PCDHGB2: variants seen among roughly 807,000 people sequenced by gnomAD.
PCDHGB2 encodes the protein protocadherin gamma-B2.
In PCDHGB2, 55 loss-of-function variants were observed where a neutral mutation model predicts 59.3. The ratio of observed to expected loss-of-function variants is 0.93; its 90% confidence interval spans 0.75 to 1.16. The LOEUF is 1.16. Among genes scored for constraint, PCDHGB2 ranks in the 50% most tolerant of loss-of-function variants. PCDHGB2 has a pLI of 0.00. For synonymous variants in PCDHGB2, 516 were observed against 512.0 expected, an observed-to-expected ratio of 1.01 and a Z score of -0.11; for missense variants, 1,228 against 1,198.5, an observed-to-expected ratio of 1.02 and a Z score of -0.36.
chr5:141,409,220 G>A (rs1327857530), intron 1 of PCDHGB2: 1 of 1,613,988 alleles, frequency 6.2e-7, no homozygotes, highest in Non-Finnish European at 8.5e-7. Context: ...AATCCTTGAT[G>A]AAAACGACAA....
intron 3 of PCDHGB2, among the ~76,000 whole-genome samples, chr5:141,507,645 G>A (rs565235954): frequency 6.6e-6 from 1 of 152,382 alleles, no homozygotes; most frequent in South Asian, 2.1e-4. Flanking sequence ...CTGAGGCCAG[G>A]AAGCAGCTTT....
chr5:141,464,973 TTC>T (rs2154568681), intron 1 of PCDHGB2, among the ~76,000 whole-genome samples: 1 of 152,092 alleles, frequency 6.6e-6, no homozygotes, highest in East Asian at 1.9e-4. Flanking sequence ...AACTACTGGC[TTC>T]AAGTGATCCT....
rs765969768 is a variant in PCDHGB2, at chr5:141,421,456, G to A, written c.2421+58900G>A. ...CTCCAGAGGGAAGACACAGCTTTTC[G>A]CTGTGAATCCGCGAAGCGGCAGCTT... is the stretch of plus-strand genomic sequence containing the variant. On this transcript the variant is annotated intron_variant, in intron 1 of 3. Transcript: ENST00000522605. 9.3e-6 allele frequency: 15 copies of A among 1,614,132 alleles called. No homozygotes were observed. Among genetic ancestry groups the A allele is most frequent in the Non-Finnish European group, 1.1e-5 (13 of 1,179,948 alleles).
intron 1 of PCDHGB2, chr5:141,433,023 A>C: frequency 6.2e-7 from 1 of 1,614,084 alleles, no homozygotes; most frequent in East Asian, 2.2e-5. Context: ...ACCTATTCCC[A>C]CGAGGTTTCC....
intron 1 of PCDHGB2, chr5:141,409,865 C>A: frequency 6.2e-7 from 1 of 1,612,574 alleles, no homozygotes; most frequent in Non-Finnish European, 8.5e-7. Flanking sequence ...GGTGGGAGAC[C>A]GCAATGACAA....
At chr5:141,377,416 G>A (rs1455830122) in intron 1 of PCDHGB2, 5 of 151,976 alleles carry the variant, frequency 3.3e-5, no homozygotes, top group Non-Finnish European at 5.9e-5. Context: ...GACCAGCCTG[G>A]GTGACTCTGT....
chr5:141,461,988 T>A (rs771762127), intron 1 of PCDHGB2, among the ~76,000 whole-genome samples: 1 of 152,170 alleles, frequency 6.6e-6, no homozygotes, highest in Non-Finnish European at 1.5e-5. Flanking sequence ...CACGCCAGGC[T>A]AATTTTGTAT....
intron 1 of PCDHGB2, among the ~76,000 whole-genome samples, chr5:141,484,281 C>T (rs969039536): frequency 6.6e-6 from 1 of 152,202 alleles, no homozygotes; most frequent in Admixed American, 6.5e-5. Context: ...TGTTTTGAAA[C>T]ATCTCCCTCT....
intron 2 of PCDHGB2, among the ~76,000 whole-genome samples, chr5:141,498,004 G>C (rs1385457484): frequency 6.6e-6 from 1 of 152,316 alleles, no homozygotes; most frequent in African/African-American, 2.4e-5. Flanking sequence ...GGAGTTTACA[G>C]TGCACTGAAG....
At chr5:141,375,596 G>C (rs574950493) in intron 1 of PCDHGB2, 86 of 1,614,108 alleles carry the variant, frequency 5.3e-5, no homozygotes, top group Non-Finnish European at 6.9e-5. Context: ...GTCCTCCTAC[G>C]TGTCCATCAA....
chr5:141,419,214 T>C lies in PCDHGB2; in HGVS notation c.2421+56658T>C. On this transcript the variant is annotated intron_variant, in intron 1 of 3. Coordinates refer to ENST00000522605, the MANE Select transcript of PCDHGB2 (RefSeq NM_018923.3). ...GACGTCAATGACAACGCGCCGGTTT[T>C]CGGACAGTCAGCCTACCTGGTCCAC... 1.9e-6 allele frequency: 3 copies of C among 1,613,986 alleles called. No individual in the cohort carries two copies. In the South Asian group the frequency reaches 3.3e-5, roughly 18 times the overall value.
At chr5:141,372,809 G>T in intron 1 of PCDHGB2, 3 of 1,587,730 alleles carry the variant, frequency 1.9e-6, no homozygotes, top group Non-Finnish European at 2.6e-6. Context: ...ATTTGCAAAA[G>T]GTGAGTTTCT....
chr5:141,485,549 G>T lies in PCDHGB2; in HGVS notation c.2422-9258G>T. 1 of 1,614,030 alleles carries T rather than the reference G, an allele frequency of 6.2e-7. No homozygotes were observed. Among genetic ancestry groups the T allele is most frequent in the Non-Finnish European group, 8.5e-7 (1 of 1,179,922 alleles). On this transcript the variant is annotated intron_variant, in intron 1 of 3. Coordinates refer to ENST00000522605, the MANE Select transcript of PCDHGB2 (RefSeq NM_018923.3). The surrounding 1 kb of genome is among the most constrained non-coding windows in gnomAD (Gnocchi z 5.7). Reference sequence around the variant, plus strand: ...CCGAGCAGAGGTAGAGATCGTAGATGTGAATGATCACGCCCCCCGTTTTCC... The same window carrying T: ...CCGAGCAGAGGTAGAGATCGTAGATTTGAATGATCACGCCCCCCGTTTTCC...
intron 1 of PCDHGB2, among the ~76,000 whole-genome samples, chr5:141,451,830 G>A (rs940668278): frequency 6.6e-5 from 10 of 151,238 alleles, no homozygotes; most frequent in East Asian, 1.9e-4. Flanking sequence ...ACAGTGAGCC[G>A]AGATCACACC....
At chr5:141,397,926 A>T in intron 1 of PCDHGB2, 1 of 753,888 alleles carries the variant, frequency 1.3e-6, no homozygotes, top group Non-Finnish European at 2.1e-6. Context: ...CTCCTCGCGC[A>T]GCCGCAGCGC....
rs1000935525 is a variant in PCDHGB2 at position 141,512,962 on chromosome 5, G to A, written c.*1789G>A. The A allele has an allele frequency of 1.3e-5, 2 of 152,030 alleles. No individual in the cohort carries two copies. The highest frequency in any genetic ancestry group is 4.8e-5 in the African/African-American group (2 of 41,366). The allele number at this position is 152,030 out of a possible 1,614,324, so 9.4% of individuals were successfully genotyped here. ...TTCTTCGACAAAAAAATAATAAAACGTTTCTTCTGAAAAGCTGAACGTTTC... is the reference window on the plus strand; with the variant it reads ...TTCTTCGACAAAAAAATAATAAAACATTTCTTCTGAAAAGCTGAACGTTTC... On this transcript the variant is annotated 3_prime_UTR_variant, in exon 4 of 4. Transcript: ENST00000522605.
At chr5:141,452,858 T>C (rs904455495) in intron 1 of PCDHGB2, among the ~76,000 whole-genome samples, 1 of 152,202 alleles carries the variant, frequency 6.6e-6, no homozygotes. Flanking sequence ...GGGGAGATGA[T>C]TTTCTAACTC....
intron 1 of PCDHGB2, chr5:141,415,040 CG>C (rs878992043): frequency 6.2e-7 from 1 of 1,613,520 alleles, no homozygotes; most frequent in East Asian, 2.2e-5. Flanking sequence ...GGACTCTTCG[CG>C]GTGGGGGAGC....
At chr5:141,428,184 C>A in intron 1 of PCDHGB2, 32 of 1,463,670 alleles carry the variant, frequency 2.2e-5, no homozygotes, top group Non-Finnish European at 3.0e-5. Context: ...GGAGGACAGC[C>A]GCCGCTCTCT....
Sources: allele counts gnomAD v4.1 joint callset (sites outside exome capture counted in the v4.1 genomes callset), GRCh38; gene constraint gnomAD v4.1.1; non-coding constraint Gnocchi (gnomAD v3.1); transcripts MANE v1.5; gene names NCBI Gene and HGNC (gene_info 2026-07-23, HGNC 2026-07-21).